The following NISCH variants were observed in gnomAD, a reference collection of about 807,000 sequenced individuals.
NISCH encodes nischarin, also known as I-1 receptor candidate protein.
Under a neutral mutation model 138.4 loss-of-function variants are expected in NISCH, and 55 were observed. The observed-to-expected ratio is 0.40, with a 90% CI of 0.32 to 0.50. The LOEUF (loss-of-function observed/expected upper bound fraction) is 0.50. Ranked by LOEUF, NISCH falls within the 20% of genes least tolerant of loss-of-function variation. NISCH has a pLI of 0.71. For missense variants in NISCH, 1,643 were observed against 2,005.5 expected, an observed-to-expected ratio of 0.82 and a Z score of 3.45; for synonymous variants, 860 against 861.5, an observed-to-expected ratio of 1.00 and a Z score of 0.03.
chr3:52,462,176 T>A (rs948743518), intron 3 of NISCH, among the ~76,000 whole-genome samples: 3 of 152,222 alleles, frequency 2.0e-5, no homozygotes, highest in Non-Finnish European at 4.4e-5. Context: ...GGTCCCTAGG[T>A]TATATAAATC....
At chr3:52,481,038 G>C (rs1707256993) in intron 13 of NISCH, 2 of 1,373,878 alleles carry the variant, frequency 1.5e-6, no homozygotes, top group South Asian at 3.7e-5. Context: ...GCAGAACTTG[G>C]TGTGAGGTCT....
chr3:52,465,197 T>G (rs1459802204), intron 3 of NISCH, among the ~76,000 whole-genome samples: 2 of 152,136 alleles, frequency 1.3e-5, no homozygotes, highest in South Asian at 2.1e-4. Context: ...TGGCACCATC[T>G]CGGCTCACTG....
chr3:52,460,342 A>G (rs1019156417), intron 3 of NISCH, among the ~76,000 whole-genome samples: 3 of 151,958 alleles, frequency 2.0e-5, no homozygotes, highest in African/African-American at 4.8e-5. Flanking sequence ...TTCCCAGCAG[A>G]CACTGTCTCA....
chr3:52,467,865 A>G (rs1196257720), intron 3 of NISCH, among the ~76,000 whole-genome samples: 1 of 152,124 alleles, frequency 6.6e-6, no homozygotes, highest in South Asian at 2.1e-4. Context: ...GGCTCAAGTG[A>G]TCCTTCTGCC....
chr3:52,489,898 T>C (rs965488333), intron 17 of NISCH, 177 bp from the exon 18 acceptor site: 17 of 1,175,734 alleles, frequency 1.4e-5, no homozygotes, highest in Non-Finnish European at 1.8e-5. Flanking sequence ...CAGCCCCAGG[T>C]AGACCTCCCA....
intron 7 of NISCH, among the ~76,000 whole-genome samples, chr3:52,475,083 G>A (rs1473953490): frequency 1.3e-5 from 2 of 152,164 alleles, no homozygotes; most frequent in Admixed American, 6.5e-5. Flanking sequence ...TGGGCCAGGT[G>A]TGGTGGCTCA....
At chr3:52,484,462 T>TGGGGCCCCCCC in intron 13 of NISCH, 51 bp from the exon 14 acceptor site, 21 of 788,670 alleles carry the variant, frequency 2.7e-5, no homozygotes, top group Non-Finnish European at 2.9e-5. Flanking sequence ...ACAGCCGCTC[T>TGGGGCCCCCCC]CCCCGCCCCA....
At chr3:52,465,341 G>C (rs536792970) in intron 3 of NISCH, among the ~76,000 whole-genome samples, 1 of 152,160 alleles carries the variant, frequency 6.6e-6, no homozygotes, top group Non-Finnish European at 1.5e-5. Flanking sequence ...TGTTGCCCAG[G>C]CTGGTCTCGA....
At chr3:52,479,305 G>A (rs1022337818) in intron 11 of NISCH, among the ~76,000 whole-genome samples, 4 of 152,048 alleles carry the variant, frequency 2.6e-5, no homozygotes, top group Non-Finnish European at 5.9e-5. Context: ...ATTTGCAGGC[G>A]GGGGCCCTGC....
At position 52,473,823 on chromosome 3, in the gene NISCH, G is replaced by A. The variant is rs772684261; in HGVS notation, c.759G>A (p.Ser253=). Residue 253 remains serine (S), a synonymous_variant, in exon 7 of 21, where the codon TCG becomes TCA. Transcript: ENST00000345716. ...ATLSVRFSAT[S]MKEVLVPEAS... is the part of the protein sequence containing the mutation. ...TGAGTGTCCGCTTCTCAGCAACCTC[G>A]ATGAAGGTAAGCTTCACCTATATCC... 24 of 1,605,890 alleles carry A rather than the reference G, an allele frequency of 1.5e-5. No homozygotes were observed. The highest frequency in any genetic ancestry group is 1.3e-4 in the South Asian group (12 of 90,466).
intron 3 of NISCH, among the ~76,000 whole-genome samples, chr3:52,466,422 A>G (rs1037878302): frequency 1.3e-5 from 2 of 152,066 alleles, no homozygotes; most frequent in Non-Finnish European, 2.9e-5. Context: ...AAAATTAGCC[A>G]GGCATGGTGG....
intron 2 of NISCH, 78 bp downstream of exon 2, chr3:52,458,004 G>C (rs1299055057): frequency 2.8e-6 from 3 of 1,088,802 alleles, no homozygotes; most frequent in Non-Finnish European, 4.2e-6. Context: ...CCACATATTA[G>C]TTTTAGGGCA....
Position 52,485,820 on chromosome 3 carries a change from G to C in NISCH, c.1696G>C (p.Gly566Arg), listed in dbSNP as rs149825786. Residue 566 changes from glycine to arginine, a missense_variant, in exon 15 of 21, where the codon GGT (glycine) becomes CGT (arginine). Transcript: ENST00000345716. ...DLRDVPGAVG[G>R]ASPEHAEPEV... is the part of the protein sequence containing the mutation. ...AAGGGACGTGCCAGGAGCTGTTGGT[G>C]GTGCAAGGTAAGGAAGAGGTTGGAA... The C allele has an allele frequency of 1.3e-6, 2 of 1,579,006 alleles. No individual in the cohort carries two copies. The highest frequency in any genetic ancestry group is 1.7e-6 in the Non-Finnish European group (2 of 1,160,912).
At chr3:52,457,967 G>A in intron 2 of NISCH, 41 bp downstream of exon 2, 2 of 1,484,798 alleles carry the variant, frequency 1.3e-6, no homozygotes, top group South Asian at 1.1e-5. Context: ...CAGGGCTGGG[G>A]GACCCGTAGG....
In NISCH at chr3:52,458,852, C is replaced by G. The variant is rs1260995302; in HGVS notation, c.360+8C>G. ...TTGCATTTTCACTTCTATGTAAGTT[C>G]CTCATCGGGTTTTCACCTGTGCCTG... On this transcript the variant is annotated splice_region_variant and intron_variant, in intron 3 of 20. Coordinates refer to ENST00000345716, the MANE Select transcript of NISCH (RefSeq NM_007184.4). 6 of 1,581,688 alleles carry G rather than the reference C, an allele frequency of 3.8e-6. No individual in the cohort carries two copies. In the African/African-American group the frequency reaches 8.2e-5, roughly 22 times the overall value.
At chr3:52,473,603 T>G (rs182180652) in intron 6 of NISCH, 131 bp from the exon 7 acceptor site, 59 of 566,126 alleles carry the variant, frequency 1.0e-4, no homozygotes, top group Non-Finnish European at 6.4e-6. Flanking sequence ...TGGTCTTGAG[T>G]GGCCTCCCAT....
At chr3:52,462,143 T>A (rs1278894238) in intron 3 of NISCH, among the ~76,000 whole-genome samples, 1 of 152,150 alleles carries the variant, frequency 6.6e-6, no homozygotes, top group Non-Finnish European at 1.5e-5. Flanking sequence ...TTTTGACATA[T>A]TTGGAATTAG....
At chr3:52,472,492 C>G in intron 6 of NISCH, 94 bp downstream of exon 6, 2 of 1,148,150 alleles carry the variant, frequency 1.7e-6, no homozygotes, top group Non-Finnish European at 2.6e-6. Context: ...TCATAAGGTG[C>G]TGTGCTTTCG....
At chr3:52,480,130 G>A in intron 12 of NISCH, 54 bp from the exon 13 acceptor site, 1 of 1,604,008 alleles carries the variant, frequency 6.2e-7, no homozygotes, top group African/African-American at 1.3e-5. Context: ...CCTGGCCTTG[G>A]GGAGCTCTGT....
Sources: allele counts gnomAD v4.1 joint callset (sites outside exome capture counted in the v4.1 genomes callset), GRCh38; gene constraint gnomAD v4.1.1; transcripts MANE v1.5; gene names NCBI Gene and HGNC (gene_info 2026-07-23, HGNC 2026-07-21).